Variants in SAP130 observed in about 807,000 individuals in gnomAD.
SAP130 encodes the protein histone deacetylase complex subunit SAP130.
SAP130 carries 16 observed loss-of-function variants against 103.2 expected under a neutral mutation model. That is an observed-to-expected ratio of 0.16 (90% confidence interval 0.10 to 0.24). The LOEUF (loss-of-function observed/expected upper bound fraction) is 0.24, where lower values mean the gene tolerates loss of function less well. SAP130 is among the 10% of genes least tolerant of loss of function. The pLI is 1.00. For missense variants in SAP130, 990 were observed against 1,359.7 expected (o/e 0.73, Z 4.28); for synonymous variants, 477 against 497.0 (o/e 0.96, Z 0.53).
intron 2 of SAP130, among the ~76,000 whole-genome samples, chr2:128,018,925 G>A (rs1369013118): frequency 3.3e-5 from 5 of 151,832 alleles, no homozygotes; most frequent in East Asian, 1.9e-4. Context: ...GTGAAACCCC[G>A]TCTCTACTAA....
intron 5 of SAP130, among the ~76,000 whole-genome samples, 180 bp downstream of exon 5, chr2:128,014,623 C>T (rs1416798594): frequency 1.3e-5 from 2 of 152,108 alleles, no homozygotes; most frequent in Non-Finnish European, 2.9e-5. Context: ...AGACATGAAC[C>T]GCAGCACCTG....
chr2:128,014,683 C>T (rs1684649843), intron 5 of SAP130, 120 bp downstream of exon 5: 2 of 728,392 alleles, frequency 2.7e-6, no homozygotes, highest in African/African-American at 3.5e-5. Flanking sequence ...CACGGTTCTG[C>T]AGACTGTTGT....
At chr2:127,995,026 T>G (rs1683075115) in intron 11 of SAP130, among the ~76,000 whole-genome samples, 2 of 111,058 alleles carry the variant, frequency 1.8e-5, no homozygotes, top group Admixed American at 1.1e-4. Context: ...CAATAACCTG[T>G]TTTTGAAACT....
Position 128,010,342 on chromosome 2 carries a change from T to C in SAP130, c.796A>G (p.Thr266Ala). The C allele has an allele frequency of 6.2e-7, 1 of 1,613,994 alleles. No individual in the cohort carries two copies. The highest frequency in any genetic ancestry group is 8.5e-7 in the Non-Finnish European group (1 of 1,179,942). ...SNAIPPAVVATVSATRAQSPV... is the reference protein window; with the variant it reads ...SNAIPPAVVAAVSATRAQSPV... ...GACTGAGCTCTGGTGGCTGAGACAG[T>C]TGCTACCACAGCAGGAGGGATGGCA... Residue 266 changes from threonine to alanine, a missense_variant, in exon 7 of 21, where the codon ACT (threonine) becomes GCT (alanine). Around this residue, in one of 6 missense-constraint regions of SAP130, gnomAD observed 336 missense variants for 520.1 expected, o/e 0.65. Transcript: ENST00000643581.
chr2:128,013,157 G>GAAAAAAAA lies in SAP130; in HGVS notation c.620-11_620-4dup. The GAAAAAAAA allele has an allele frequency of 7.9e-7, 1 of 1,271,222 alleles. No individual in the cohort carries two copies. Among genetic ancestry groups the GAAAAAAAA allele is most frequent in the Admixed American group, 2.4e-5 (1 of 42,184 alleles). 78.7% of individuals were successfully genotyped at this position (1,271,222 alleles called of 1,614,324 possible). Reference sequence around the variant, plus strand: ...CATCACAGCAGCAGCAGCTGCACCTGAAAAAAAAAAAGTGTTTATTATATT... The same window carrying GAAAAAAAA: ...CATCACAGCAGCAGCAGCTGCACCTGAAAAAAAAAAAAAAAAAAAGTGTTTATTATATT... On this transcript the variant is annotated splice_region_variant and splice_polypyrimidine_tract_variant and intron_variant, in intron 5 of 20. Transcript: ENST00000643581.
rs1422415629 is a variant in SAP130 at position 127,989,136 on chromosome 2, T to C, written c.1780+428A>G. 6.6e-6 allele frequency among the ~76,000 whole-genome samples: 1 copy of C among 151,760 alleles called. No individual in the cohort carries two copies. The highest frequency in any genetic ancestry group is 1.5e-5 in the Non-Finnish European group (1 of 67,926). On this transcript the variant is annotated intron_variant, in intron 13 of 20. Transcript: ENST00000643581. The surrounding 1 kb of genome is among the most constrained non-coding windows in gnomAD (Gnocchi z 4.6). ...TTTTTGGAGACAGAGTCTCACTCTG[T>C]GGCCCAGGCTGGAGTGCAGTGGCGT...
intron 2 of SAP130, among the ~76,000 whole-genome samples, chr2:128,019,563 C>T (rs1173374877): frequency 6.6e-6 from 1 of 152,100 alleles, no homozygotes; most frequent in Non-Finnish European, 1.5e-5. Flanking sequence ...AGCCACTGCA[C>T]CTGGCCTATT....
At chr2:127,974,552 G>A (rs532611159) in intron 15 of SAP130, among the ~76,000 whole-genome samples, 4 of 152,330 alleles carry the variant, frequency 2.6e-5, no homozygotes, top group East Asian at 3.9e-4. Flanking sequence ...GGTGGTGCAC[G>A]CCTGTAATCC....
chr2:128,001,491 T>C (rs1004692205), intron 7 of SAP130, among the ~76,000 whole-genome samples: 5 of 152,254 alleles, frequency 3.3e-5, no homozygotes, highest in Admixed American at 1.3e-4. Flanking sequence ...ATTCTTATTG[T>C]TAGTAGTAAT....
chr2:127,972,287 T>G (rs1681144137), intron 15 of SAP130, among the ~76,000 whole-genome samples: 1 of 152,110 alleles, frequency 6.6e-6, no homozygotes, highest in Admixed American at 6.6e-5. Context: ...GAAAACTAAG[T>G]CCATATGAGA....
At chr2:127,969,435 T>C (rs1285064193) in intron 15 of SAP130, among the ~76,000 whole-genome samples, 2 of 152,166 alleles carry the variant, frequency 1.3e-5, no homozygotes. Flanking sequence ...CTGAATCACT[T>C]TGTGTTTGGC....
chr2:127,947,975 G>C (rs1445312172), intron 18 of SAP130, among the ~76,000 whole-genome samples: 1 of 59,328 alleles, frequency 1.7e-5, no homozygotes, highest in Admixed American at 2.0e-4. Flanking sequence ...TTTTCAGTAG[G>C]GACGAGGTTT....
At chr2:127,964,364 G>A (rs189888274) in intron 15 of SAP130, among the ~76,000 whole-genome samples, 146 of 151,516 alleles carry the variant, frequency 9.6e-4, no homozygotes, top group African/African-American at 3.4e-3. Context: ...CGTGTTGGTG[G>A]ATGCCTGTAA....
In SAP130 at chr2:127,956,274, G is replaced by A. The variant is rs762359571; in HGVS notation, c.2064-930C>T. 1.1e-4 allele frequency among the ~76,000 whole-genome samples: 16 copies of A among 152,274 alleles called. No individual in the cohort carries two copies. In the Middle Eastern group the frequency reaches 0.01, roughly 97 times the overall value. On this transcript the variant is annotated intron_variant, in intron 15 of 20. Transcript: ENST00000643581. Reference sequence around the variant, plus strand: ...CCCTTCTCCCAGGCCTTATGCTTCTGTTCCATTTGGTTGGTCATCTGCATC... The same window carrying A: ...CCCTTCTCCCAGGCCTTATGCTTCTATTCCATTTGGTTGGTCATCTGCATC...
At chr2:127,945,401 T>G in intron 19 of SAP130, 55 bp downstream of exon 19, 1 of 1,032,690 alleles carries the variant, frequency 9.7e-7, no homozygotes, top group Non-Finnish European at 1.5e-6. Flanking sequence ...CTCAGCTATC[T>G]GCAGTGTCTT....
Position 128,000,297 on chromosome 2 carries a change from T to G in SAP130, c.1017+10A>C. The G allele has an allele frequency of 6.2e-7, 1 of 1,614,188 alleles. No homozygotes were observed. The highest frequency in any genetic ancestry group is 1.1e-5 in the South Asian group (1 of 91,088). On this transcript the variant is annotated intron_variant, in intron 8 of 20. Coordinates refer to ENST00000643581, the MANE Select transcript of SAP130 (RefSeq NM_001330301.2). ...AAAGTACACAGGTGGTTCTCCACTT[T>G]TGGTTTTACCTGAGCCATTGTATGA...
In SAP130 at chr2:128,000,544, G is replaced by A; in HGVS notation, c.870-90C>T. ...TCATGCAAGTTATACTTTTTCATAGGTCTATGAAGTTCGGAGTTAAACCAA... is the reference window on the plus strand; with the variant it reads ...TCATGCAAGTTATACTTTTTCATAGATCTATGAAGTTCGGAGTTAAACCAA... On this transcript the variant is annotated intron_variant, in intron 7 of 20. Transcript: ENST00000643581. The A allele has an allele frequency of 2.8e-6, 4 of 1,437,436 alleles. No homozygotes were observed. The Admixed American group carries it at 5.9e-5, about 21-fold the overall frequency. The allele number at this position is 1,437,436 out of a possible 1,614,324, so 89.0% of individuals were successfully genotyped here. A position where few individuals can be genotyped will look rare whatever the true frequency, so the allele number is the denominator to read the frequency against.
In SAP130 at chr2:127,989,211, G is replaced by A. The variant is rs1185497229; in HGVS notation, c.1780+353C>T. ...CATCCCCAGTTCACGCCATTCTCTC[G>A]CCTCAGCCTCCCGAGTAGCTAGGAC... On this transcript the variant is annotated intron_variant, in intron 13 of 20. Transcript: ENST00000643581. The surrounding 1 kb of genome is among the most constrained non-coding windows in gnomAD (Gnocchi z 4.6). Among the ~76,000 whole-genome samples, 3 of 151,360 alleles carry A rather than the reference G, an allele frequency of 2.0e-5. No homozygotes were observed. The highest frequency in any genetic ancestry group is 1.9e-4 in the East Asian group (1 of 5,130).
chr2:127,967,555 T>G (rs925955839), intron 15 of SAP130, among the ~76,000 whole-genome samples: 1 of 152,182 alleles, frequency 6.6e-6, no homozygotes, highest in African/African-American at 2.4e-5. Flanking sequence ...TCCACCACCA[T>G]GCGCAGCTAA....
Sources: allele counts gnomAD v4.1 joint callset (sites outside exome capture counted in the v4.1 genomes callset), GRCh38; gene constraint gnomAD v4.1.1; regional missense constraint gnomAD v4.1.1; non-coding constraint Gnocchi (gnomAD v3.1); transcripts MANE v1.5; gene names NCBI Gene and HGNC (gene_info 2026-07-23, HGNC 2026-07-21).